Variants in DLC1 observed in about 807,000 individuals in gnomAD.
The protein encoded by DLC1 is rho GTPase-activating protein 7.
A neutral mutation model predicts 140.3 loss-of-function variants in DLC1; 54 were observed. The ratio of observed to expected loss-of-function variants is 0.38; its 90% CI spans 0.31 to 0.48. The LOEUF (loss-of-function observed/expected upper bound fraction) is 0.48, where lower values mean the gene tolerates loss of function less well. DLC1 is among the 20% of genes least tolerant of loss of function. The pLI, the probability that DLC1 is intolerant of heterozygous loss-of-function variation, is 0.96. For missense variants in DLC1, 2,536 were observed against 1,907.0 expected, an observed-to-expected ratio of 1.33 and a Z score of -6.14; for synonymous variants, 986 against 728.1, an observed-to-expected ratio of 1.35 and a Z score of -5.70.
At chr8:13,429,872 C>T (rs998051328) in intron 2 of DLC1, among the ~76,000 whole-genome samples, 2 of 152,138 alleles carry the variant, frequency 1.3e-5, no homozygotes, top group Admixed American at 6.5e-5. Context: ...TACTGAGTAA[C>T]AGAAAATTCA....
chr8:13,394,020 C>G (rs940955995), intron 3 of DLC1, among the ~76,000 whole-genome samples: 60 of 144,056 alleles, frequency 4.2e-4, no homozygotes, highest in African/African-American at 1.4e-3. Flanking sequence ...ACAGCCACAC[C>G]TTCCTTACTG....
At chr8:13,459,628 C>T (rs945347221) in intron 2 of DLC1, among the ~76,000 whole-genome samples, 2 of 152,152 alleles carry the variant, frequency 1.3e-5, no homozygotes, top group African/African-American at 4.8e-5. Flanking sequence ...ACCCCCAGTT[C>T]TGCCACTCCA....
intron 1 of DLC1, among the ~76,000 whole-genome samples, chr8:13,587,568 C>G (rs1481588): frequency 0.073 from 10,495 of 144,114 alleles, 563 homozygotes; most frequent in Admixed American, 0.17. Flanking sequence ...CACACACACA[C>G]AGAGAGAGAG....
chr8:13,349,482 C>G (rs1277969136), intron 4 of DLC1, among the ~76,000 whole-genome samples: 2 of 152,176 alleles, frequency 1.3e-5, no homozygotes, highest in African/African-American at 2.4e-5. Flanking sequence ...CTTTCACTTG[C>G]TCTTTCACAG....
chr8:13,084,391 CTCAT>C lies in DLC1; in HGVS notation c.*1416_*1419del, dbSNP rs1323742745. 1.3e-5 allele frequency: 2 copies of C among 152,524 alleles called. No individual in the cohort carries two copies. The highest frequency in any genetic ancestry group is 4.8e-5 in the African/African-American group (2 of 41,424). The allele number at this position is 152,524 out of a possible 1,614,324, so 9.4% of individuals were successfully genotyped here. On this transcript the variant is annotated 3_prime_UTR_variant, in exon 18 of 18. Coordinates refer to ENST00000276297, the MANE Select transcript of DLC1 (RefSeq NM_182643.3). ...CAAAATAAAAATCCTTCTTACAGCT[CTCAT>C]TCATACATTATTCACTTTTGATCCA...
chr8:13,325,699 G>C (rs899835648), intron 4 of DLC1, among the ~76,000 whole-genome samples: 3 of 152,120 alleles, frequency 2.0e-5, no homozygotes, highest in Admixed American at 6.5e-5. Flanking sequence ...AGAACGTTCG[G>C]CATTATCACT....
intron 2 of DLC1, among the ~76,000 whole-genome samples, chr8:13,414,968 G>A (rs1407357438): frequency 6.6e-6 from 1 of 151,886 alleles, no homozygotes; most frequent in African/African-American, 2.4e-5. Context: ...GCGCCACCAT[G>A]CCTGGCTAAT....
At chr8:13,373,077 G>A (rs1408132647) in intron 4 of DLC1, among the ~76,000 whole-genome samples, 1 of 152,046 alleles carries the variant, frequency 6.6e-6, no homozygotes, top group African/African-American at 2.4e-5. Flanking sequence ...GTGCCGTGGT[G>A]CGATCACAGC....
At chr8:13,154,166 A>G (rs1824061616) in intron 5 of DLC1, among the ~76,000 whole-genome samples, 1 of 152,228 alleles carries the variant, frequency 6.6e-6, no homozygotes. Flanking sequence ...CCAGAAGCCC[A>G]GCTGGCTTCC....
intron 5 of DLC1, among the ~76,000 whole-genome samples, chr8:13,206,407 A>G (rs911819263): frequency 6.6e-6 from 1 of 152,180 alleles, no homozygotes; most frequent in African/African-American, 2.4e-5. Flanking sequence ...GATGTTTCTA[A>G]TACGTCTCGG....
At chr8:13,108,997 T>G (rs1819824215) in intron 7 of DLC1, among the ~76,000 whole-genome samples, 1 of 152,212 alleles carries the variant, frequency 6.6e-6, no homozygotes, top group Non-Finnish European at 1.5e-5. Context: ...TATCAGTCAT[T>G]TAATTGGACT....
intron 2 of DLC1, among the ~76,000 whole-genome samples, chr8:13,478,356 T>G (rs779900266): frequency 2.0e-5 from 3 of 152,160 alleles, no homozygotes; most frequent in Non-Finnish European, 4.4e-5. Context: ...GAGGGATCCA[T>G]TCCCATGACC....
intron 5 of DLC1, among the ~76,000 whole-genome samples, chr8:13,155,202 C>T (rs187555132): frequency 1.3e-5 from 2 of 151,178 alleles, no homozygotes; most frequent in East Asian, 1.9e-4. Flanking sequence ...TTAAAGTATG[C>T]ATAGAATTCT....
intron 4 of DLC1, among the ~76,000 whole-genome samples, chr8:13,345,070 T>C (rs2117002849): frequency 6.6e-6 from 1 of 152,268 alleles, no homozygotes; most frequent in Middle Eastern, 3.4e-3. Context: ...GTCCCTTCCC[T>C]GGCCCCGCCA....
At chr8:13,400,983 G>A (rs1295709605) in intron 3 of DLC1, among the ~76,000 whole-genome samples, 3 of 152,148 alleles carry the variant, frequency 2.0e-5, no homozygotes, top group African/African-American at 7.2e-5. Flanking sequence ...GAATTTTAGA[G>A]TTTTCCCAAG....
chr8:13,202,299 A>G (rs1827431773), intron 5 of DLC1, among the ~76,000 whole-genome samples: 1 of 152,162 alleles, frequency 6.6e-6, no homozygotes, highest in South Asian at 2.1e-4. Context: ...TTTAATTGAC[A>G]CAATAATTGT....
chr8:13,108,117 T>G (rs1819741533), intron 7 of DLC1, among the ~76,000 whole-genome samples: 1 of 152,098 alleles, frequency 6.6e-6, no homozygotes, highest in African/African-American at 2.4e-5. Context: ...CTTCTGAACA[T>G]TTGTTTAGGC....
At chr8:13,540,122 C>CT (rs1803434359) in intron 1 of DLC1, among the ~76,000 whole-genome samples, 1 of 152,178 alleles carries the variant, frequency 6.6e-6, no homozygotes, top group South Asian at 2.1e-4. Context: ...TGCTGATACT[C>CT]TATCAGTCCT....
In DLC1 at chr8:13,572,113, G is replaced by A. The variant is rs141083582; in HGVS notation, c.-126+32424C>T. 9.7e-3 allele frequency among the ~76,000 whole-genome samples: 1,292 copies of A among 133,048 alleles called. 18 individuals are homozygous for A. Among genetic ancestry groups the A allele is most frequent in the African/African-American group, 0.034 (1,214 of 35,970 alleles). The allele number at this position is 133,048 out of a possible 152,430, so 87.3% of individuals were successfully genotyped here. A position where few individuals can be genotyped will look rare whatever the true frequency, so the allele number is the denominator to read the frequency against. On this transcript the variant is annotated intron_variant, in intron 1 of 1. Transcript: ENST00000631382. ...ATTATTTATTTTTTTTTTTTGAGATGGAGTCTCACTCTGTCACCCAGGCTG... is the reference window on the plus strand; with the variant it reads ...ATTATTTATTTTTTTTTTTTGAGATAGAGTCTCACTCTGTCACCCAGGCTG...
Sources: gnomAD v4.1 joint callset for allele counts (sites outside exome capture counted in the v4.1 genomes callset) on GRCh38, gnomAD v4.1.1 for gene constraint, MANE v1.5 for transcripts, NCBI Gene and HGNC (gene_info 2026-07-23, HGNC 2026-07-21) for gene names.